TNRC6B: variants seen among roughly 807,000 people sequenced by gnomAD.
TNRC6B encodes trinucleotide repeat-containing gene 6B protein.
In TNRC6B, 52 loss-of-function variants were observed where a neutral mutation model predicts 203.6. That is an observed-to-expected ratio of 0.26 (90% confidence interval 0.20 to 0.32). TNRC6B has a LOEUF of 0.32. Among genes scored for constraint, TNRC6B ranks in the 10% least tolerant of loss-of-function variants. The pLI is 1.00. For missense variants in TNRC6B, 1,923 were observed against 2,286.2 expected (o/e 0.84, Z 3.24); for synonymous variants, 838 against 845.7 (o/e 0.99, Z 0.16).
chr22:40,146,948 T>C (rs2068700511), intron 3 of TNRC6B, among the ~76,000 whole-genome samples: 1 of 145,536 alleles, frequency 6.9e-6, no homozygotes, highest in Non-Finnish European at 1.5e-5. Context: ...CGGAAGATGG[T>C]CCAGTACAAG....
At chr22:40,087,778 G>T (rs2068112926) in intron 1 of TNRC6B, among the ~76,000 whole-genome samples, 1 of 151,614 alleles carries the variant, frequency 6.6e-6, no homozygotes, top group Non-Finnish European at 1.5e-5. Flanking sequence ...TAGTGAGGCT[G>T]GAGACTGAGA....
intron 1 of TNRC6B, among the ~76,000 whole-genome samples, chr22:40,064,931 A>G (rs1225105901): frequency 2.0e-5 from 3 of 151,954 alleles, no homozygotes; most frequent in Non-Finnish European, 4.4e-5. Context: ...ATCCTTTTTT[A>G]TAGATTGCTA....
chr22:40,173,465 A>C (rs558700460), upstream of TNRC6B, among the ~76,000 whole-genome samples: 15 of 150,420 alleles, frequency 1.0e-4, no homozygotes, highest in African/African-American at 3.4e-4. Context: ...TGTGCCAAAA[A>C]CAACAAAACA....
intron 1 of TNRC6B, among the ~76,000 whole-genome samples, chr22:40,109,349 G>GGATT (rs1337769425): frequency 6.6e-6 from 1 of 152,118 alleles, no homozygotes; most frequent in Non-Finnish European, 1.5e-5. Context: ...GGTCATTGAG[G>GGATT]AATCACCACA....
At chr22:40,303,393 A>G (rs910035387) in intron 15 of TNRC6B, among the ~76,000 whole-genome samples, 4 of 152,156 alleles carry the variant, frequency 2.6e-5, no homozygotes, top group African/African-American at 4.8e-5. Context: ...TATTTACTGA[A>G]GAAATTTTAT....
intron 12 of TNRC6B, among the ~76,000 whole-genome samples, chr22:40,292,697 C>T (rs2070884679): frequency 6.6e-6 from 1 of 152,180 alleles, no homozygotes; most frequent in Admixed American, 6.5e-5. Flanking sequence ...CAGGTGTTTG[C>T]CTGGAGCCTA....
chr22:40,206,811 G>C (rs5995836), intron 1 of TNRC6B, among the ~76,000 whole-genome samples: 1 of 151,962 alleles, frequency 6.6e-6, no homozygotes, highest in Non-Finnish European at 1.5e-5. Context: ...GAGGCGACAG[G>C]TGACACTGCA....
At chr22:40,277,506 A>G (rs931269256) in intron 8 of TNRC6B, among the ~76,000 whole-genome samples, 4 of 152,238 alleles carry the variant, frequency 2.6e-5, no homozygotes, top group South Asian at 2.1e-4. Context: ...GAAAAACTAT[A>G]CTGGGACTAA....
chr22:40,195,661 C>T (rs1164740317), intron 1 of TNRC6B, among the ~76,000 whole-genome samples: 1 of 152,216 alleles, frequency 6.6e-6, no homozygotes, highest in Non-Finnish European at 1.5e-5. Context: ...GATATGTTGC[C>T]CAGGCTGGTC....
intron 2 of TNRC6B, among the ~76,000 whole-genome samples, chr22:40,249,909 G>T (rs1043997759): frequency 2.6e-5 from 4 of 152,200 alleles, no homozygotes; most frequent in African/African-American, 9.6e-5. Flanking sequence ...ACACAGGAAT[G>T]TAGGAAACAC....
At chr22:40,225,218 G>A (rs1265283564) in intron 1 of TNRC6B, among the ~76,000 whole-genome samples, 3 of 152,196 alleles carry the variant, frequency 2.0e-5, no homozygotes. Context: ...GCTTATTGCA[G>A]TTGACCATGC....
chr22:40,265,087 A>G lies in TNRC6B; in HGVS notation c.857A>G (p.Asn286Ser). Residue 286 changes from asparagine (N) to serine (S), a missense_variant, in exon 5 of 23, where the codon AAT (asparagine) becomes AGT (serine). Physicochemically the swap from Asn to Ser is conservative, Grantham distance 46 (BLOSUM62 1). Coordinates refer to ENST00000454349, the MANE Select transcript of TNRC6B (RefSeq NM_001162501.2). The part of the protein sequence containing the change: ...ENNNGLGNWR[N>S]VSGQDRIGPG... ...AACAATGGACTAGGAAATTGGAGGA[A>G]TGTGAGTGGTCAGGATAGAATTGGA... 9.3e-6 allele frequency: 15 copies of G among 1,614,026 alleles called. No homozygotes were observed. Among genetic ancestry groups the G allele is most frequent in the African/African-American group, 1.3e-5 (1 of 75,066 alleles).
rs190865699 is a variant in TNRC6B, at chr22:40,263,279, A to T, written c.457+1106A>T. Among the ~76,000 whole-genome samples the T allele has an allele frequency of 5.3e-4, 80 of 152,338 alleles. 1 individual carries two copies. The East Asian group carries it at 0.014, about 27-fold the overall frequency. On this transcript the variant is annotated intron_variant, in intron 4 of 22. Transcript: ENST00000454349. Reference sequence around the variant, plus strand: ...TCTGAGTTTAAACAAATAATTGCCTAGAAAATTTGGTCACCATCTTGCTGT... The same window carrying T: ...TCTGAGTTTAAACAAATAATTGCCTTGAAAATTTGGTCACCATCTTGCTGT...
chr22:40,251,133 G>A lies in TNRC6B; in HGVS notation c.94-46G>A, dbSNP rs2070186285. The A allele has an allele frequency of 2.7e-6, 4 of 1,501,466 alleles. No homozygotes were observed. The East Asian group carries it at 7.4e-5, about 28-fold the overall frequency. 93.0% of individuals were successfully genotyped at this position (1,501,466 alleles called of 1,614,324 possible). ...TAAAGTAGTCTGAAAATACAGTACT[G>A]AATTAAAAAGCAAATCTCATTTACT... On this transcript the variant is annotated intron_variant, in intron 2 of 22. Coordinates refer to ENST00000454349, the MANE Select transcript of TNRC6B (RefSeq NM_001162501.2).
chr22:40,059,092 G>A (rs1458721928), intron 1 of TNRC6B, among the ~76,000 whole-genome samples: 1 of 152,062 alleles, frequency 6.6e-6, no homozygotes, highest in East Asian at 1.9e-4. Flanking sequence ...TTTGCGTTCT[G>A]TACAATCTTT....
chr22:40,280,225 G>A, intron 10 of TNRC6B, 82 bp downstream of exon 10: 1 of 1,394,400 alleles, frequency 7.2e-7, no homozygotes, highest in Non-Finnish European at 9.9e-7. Context: ...TGATTCTAGA[G>A]GAAGCATAGA....
At chr22:40,209,119 G>C (rs1250231534) in intron 1 of TNRC6B, among the ~76,000 whole-genome samples, 11 of 152,018 alleles carry the variant, frequency 7.2e-5, no homozygotes, top group Admixed American at 7.2e-4. Context: ...CCCACATTAG[G>C]TTCTCTTTCA....
In TNRC6B at chr22:40,268,261, T is replaced by C. The variant is rs192130305; in HGVS notation, c.2806+1225T>C. ...CTGCCATGCCCAGCTAATGTTTGTA[T>C]TTTTAGTAGAGACAGGATTTCACCA... On this transcript the variant is annotated intron_variant, in intron 5 of 22. Transcript: ENST00000454349. 1.6e-3 allele frequency among the ~76,000 whole-genome samples: 240 copies of C among 152,210 alleles called. 3 individuals carry two copies. The highest frequency in any genetic ancestry group is 1.2e-3 in the South Asian group (6 of 4,820).
intron 1 of TNRC6B, among the ~76,000 whole-genome samples, chr22:40,116,395 T>C (rs926847333): frequency 5.3e-5 from 8 of 152,190 alleles, no homozygotes; most frequent in African/African-American, 1.9e-4. Flanking sequence ...TATTCCTATA[T>C]CTCTGTATTC....
Sources: allele counts gnomAD v4.1 joint callset (sites outside exome capture counted in the v4.1 genomes callset), GRCh38; gene constraint gnomAD v4.1.1; transcripts MANE v1.5; gene names NCBI Gene and HGNC (gene_info 2026-07-23, HGNC 2026-07-21).